The following DLG1 variants were observed in gnomAD, a reference collection of about 807,000 sequenced individuals.
DLG1 encodes the protein discs large MAGUK scaffold protein 1.
Under a neutral mutation model 123.4 loss-of-function variants are expected in DLG1, and 42 were observed. The ratio of observed to expected loss-of-function variants is 0.34; its 90% CI spans 0.27 to 0.44. The LOEUF is 0.44. Ranked by LOEUF, DLG1 falls within the 20% of genes least tolerant of loss-of-function variation. The pLI, the probability that DLG1 is intolerant of heterozygous loss-of-function variation, is 1.00. For synonymous variants in DLG1, 317 were observed against 356.2 expected (o/e 0.89, Z 1.24); for missense variants, 942 against 1,082.6 (o/e 0.87, Z 1.82).
intron 5 of DLG1, among the ~76,000 whole-genome samples, chr3:197,155,693 C>T (rs541790752): frequency 6.6e-6 from 1 of 151,876 alleles, no homozygotes; most frequent in Non-Finnish European, 1.5e-5. Context: ...CTTCAGGTGG[C>T]CGAGGCAGGC....
At chr3:197,279,035 T>G (rs371336) in intron 4 of DLG1, among the ~76,000 whole-genome samples, 85,585 of 152,018 alleles carry the variant, frequency 0.56, 24,648 homozygotes, top group East Asian at 0.78. Flanking sequence ...ACTTTAAGTT[T>G]TAAGTTATTT....
At chr3:197,161,198 A>G (rs985206321) in intron 5 of DLG1, among the ~76,000 whole-genome samples, 12 of 152,190 alleles carry the variant, frequency 7.9e-5, no homozygotes, top group Non-Finnish European at 1.6e-4. Flanking sequence ...GAAGTGTGTT[A>G]TCTAATCAAA....
intron 20 of DLG1, among the ~76,000 whole-genome samples, chr3:197,066,169 T>C (rs949273711): frequency 1.3e-5 from 2 of 152,082 alleles, no homozygotes; most frequent in Non-Finnish European, 2.9e-5. Context: ...GAACAGAAAC[T>C]GGATGTAGGA....
intron 11 of DLG1, among the ~76,000 whole-genome samples, 168 bp downstream of exon 11, chr3:197,130,359 T>C (rs973633014): frequency 6.6e-6 from 1 of 152,158 alleles, no homozygotes; most frequent in Admixed American, 6.5e-5. Flanking sequence ...ATTATAAAAA[T>C]TTTGACTTAA....
At chr3:197,161,824 TTA>T in intron 5 of DLG1, 1 of 814,630 alleles carries the variant, frequency 1.2e-6, no homozygotes, top group South Asian at 1.8e-5. Flanking sequence ...TAAAGATAAA[TTA>T]TAGTTTTCAG....
intron 18 of DLG1, among the ~76,000 whole-genome samples, chr3:197,071,632 T>A (rs1176445486): frequency 6.6e-6 from 1 of 152,220 alleles, no homozygotes; most frequent in Non-Finnish European, 1.5e-5. Flanking sequence ...AAAATGTTCC[T>A]CTTCAAAGCA....
chr3:197,229,570 C>T, intron 4 of DLG1, among the ~76,000 whole-genome samples: 1 of 151,816 alleles, frequency 6.6e-6, no homozygotes, highest in East Asian at 1.9e-4. Flanking sequence ...AGATTAAATT[C>T]CTGGCCTCGT....
At chr3:197,065,910 A>C in intron 20 of DLG1, 101 bp from the exon 21 acceptor site, 1 of 707,584 alleles carries the variant, frequency 1.4e-6, no homozygotes, top group Non-Finnish European at 2.3e-6. Flanking sequence ...GTTATGACTA[A>C]TTTTTTTCTT....
chr3:197,210,808 A>G (rs1360849512), intron 4 of DLG1, among the ~76,000 whole-genome samples: 1 of 145,236 alleles, frequency 6.9e-6, no homozygotes, highest in Non-Finnish European at 1.5e-5. Context: ...TAGAGTGAAC[A>G]TCTCCCAACT....
Position 197,084,428 on chromosome 3 carries a change from C to A in DLG1, c.1838+1152G>T, listed in dbSNP as rs554902919. Among the ~76,000 whole-genome samples, 15 of 151,330 alleles carry A rather than the reference C, an allele frequency of 9.9e-5. No homozygotes were observed. In the East Asian group the frequency reaches 2.8e-3, roughly 28 times the overall value. On this transcript the variant is annotated intron_variant, in intron 16 of 24. Coordinates refer to ENST00000667157, the MANE Select transcript of DLG1 (RefSeq NM_001366207.1). ...CTGGGTTCAAGCAATTCTCCTGCCT[C>A]AGCCTCCCAAGTAGCTGCGATTACA...
intron 1 of DLG1, 147 bp from the exon 2 acceptor site, chr3:197,297,382 C>T (rs991514684): frequency 1.4e-6 from 2 of 1,445,048 alleles, no homozygotes; most frequent in Non-Finnish European, 1.8e-6. Flanking sequence ...CAAAACGCAG[C>T]AGTTGTCTGT....
intron 13 of DLG1, 61 bp downstream of exon 13, chr3:197,115,866 T>C: frequency 1.3e-6 from 2 of 1,542,176 alleles, no homozygotes; most frequent in East Asian, 2.3e-5. Context: ...ACAGAAGACC[T>C]TGCTTTAAAA....
At chr3:197,233,814 C>A (rs1445672559) in intron 4 of DLG1, among the ~76,000 whole-genome samples, 1 of 152,238 alleles carries the variant, frequency 6.6e-6, no homozygotes, top group East Asian at 1.9e-4. Flanking sequence ...GCCACCGTGC[C>A]CAGCCTTAAA....
At chr3:197,128,902 T>G (rs544964438) in intron 11 of DLG1, among the ~76,000 whole-genome samples, 7 of 152,138 alleles carry the variant, frequency 4.6e-5, no homozygotes, top group Non-Finnish European at 1.5e-5. Context: ...CAGTAAACCA[T>G]GCTGTCAACA....
intron 5 of DLG1, among the ~76,000 whole-genome samples, chr3:197,154,828 C>T (rs2149809072): frequency 6.6e-6 from 1 of 152,084 alleles, no homozygotes; most frequent in Non-Finnish European, 1.5e-5. Context: ...AAAAGCATAT[C>T]TGAGCAGGTA....
rs765371853 is a variant in DLG1 at position 197,044,711 on chromosome 3, G to A, written c.2594C>T (p.Thr865Met). Residue 865 changes from threonine to methionine, a missense_variant, in exon 25 of 25, where the codon ACG (threonine) becomes ATG (methionine). Physicochemically the swap from Thr to Met is moderately conservative, Grantham distance 81. Transcript: ENST00000667157. ...EHFTAIVQGD[T>M]LEDIYNQVKQ... ...CACTTGGTTGTAAATGTCTTCCAGCGTATCCCCCTGTACAATAGCTGTAAT... is the reference window on the plus strand; with the variant it reads ...CACTTGGTTGTAAATGTCTTCCAGCATATCCCCCTGTACAATAGCTGTAAT... The A allele has an allele frequency of 1.4e-5, 22 of 1,601,672 alleles. No homozygotes were observed. The highest frequency in any genetic ancestry group is 4.5e-5 in the East Asian group (2 of 44,380).
intron 4 of DLG1, among the ~76,000 whole-genome samples, chr3:197,248,586 T>C (rs776814227): frequency 6.6e-6 from 1 of 152,220 alleles, no homozygotes; most frequent in Non-Finnish European, 1.5e-5. Context: ...AAGAGCACAC[T>C]GAACAAAGGA....
chr3:197,143,854 A>G (rs1416551118), intron 6 of DLG1, among the ~76,000 whole-genome samples: 1 of 152,184 alleles, frequency 6.6e-6, no homozygotes, highest in Non-Finnish European at 1.5e-5. Flanking sequence ...TCACCATTCA[A>G]GATATCTTGG....
intron 4 of DLG1, among the ~76,000 whole-genome samples, chr3:197,266,183 G>C (rs574310887): frequency 6.6e-6 from 1 of 151,938 alleles, no homozygotes; most frequent in South Asian, 2.1e-4. Flanking sequence ...AATTCACAAC[G>C]TCTGCCAAAT....
Sources: allele counts gnomAD v4.1 joint callset (sites outside exome capture counted in the v4.1 genomes callset), GRCh38; gene constraint gnomAD v4.1.1; transcripts MANE v1.5; gene names NCBI Gene and HGNC (gene_info 2026-07-23, HGNC 2026-07-21).